The following KIF16B variants were observed in gnomAD, a reference collection of about 807,000 sequenced individuals.
The protein encoded by KIF16B is kinesin family member 16B.
KIF16B carries 98 observed loss-of-function variants against 156.3 expected under a neutral mutation model. The ratio of observed to expected loss-of-function variants is 0.63; its 90% CI spans 0.53 to 0.74. The LOEUF (loss-of-function observed/expected upper bound fraction) is 0.74. KIF16B is among the 30% of genes least tolerant of loss of function. KIF16B has a pLI of 0.00. For synonymous variants in KIF16B, 564 were observed against 583.7 expected, an observed-to-expected ratio of 0.97 and a Z score of 0.49; for missense variants, 1,421 against 1,606.5, an observed-to-expected ratio of 0.88 and a Z score of 1.97.
intron 12 of KIF16B, among the ~76,000 whole-genome samples, chr20:16,439,271 A>G (rs187542823): frequency 3.3e-5 from 5 of 152,104 alleles, no homozygotes; most frequent in East Asian, 3.9e-4. Context: ...ATATCCCCCA[A>G]TCGGTCTTTT....
chr20:16,415,246 C>G (rs949410115), intron 15 of KIF16B, among the ~76,000 whole-genome samples: 9 of 152,138 alleles, frequency 5.9e-5, no homozygotes, highest in African/African-American at 1.2e-4. Flanking sequence ...CTATTAGTAA[C>G]TTTCTTTCCA....
chr20:16,375,442 A>C (rs1196024889), intron 19 of KIF16B, among the ~76,000 whole-genome samples: 2 of 152,152 alleles, frequency 1.3e-5, no homozygotes, highest in Non-Finnish European at 2.9e-5. Context: ...CCAAGTTCTG[A>C]ATTTTCAGAA....
chr20:16,369,112 G>A, intron 22 of KIF16B: 1 of 985,856 alleles, frequency 1.0e-6, no homozygotes, highest in Non-Finnish European at 1.2e-6. Flanking sequence ...TGCTGAGGAA[G>A]TTGTTTTAGG....
At chr20:16,372,622 A>G (rs2064849300) in intron 20 of KIF16B, among the ~76,000 whole-genome samples, 1 of 152,206 alleles carries the variant, frequency 6.6e-6, no homozygotes, top group Admixed American at 6.5e-5. Flanking sequence ...AAATCTTTGT[A>G]ATGGCAGAGA....
chr20:16,560,128 T>C (rs999063165), intron 1 of KIF16B, among the ~76,000 whole-genome samples: 2 of 152,164 alleles, frequency 1.3e-5, no homozygotes, highest in Admixed American at 1.3e-4. Context: ...TCATCACATG[T>C]GAGCACCAGC....
chr20:16,519,346 T>C (rs2069252164), intron 3 of KIF16B, among the ~76,000 whole-genome samples: 1 of 152,140 alleles, frequency 6.6e-6, no homozygotes, highest in African/African-American at 2.4e-5. Context: ...TGTCCTGGCC[T>C]CAAGTAATCC....
intron 12 of KIF16B, among the ~76,000 whole-genome samples, chr20:16,469,028 G>A (rs1482946259): frequency 1.3e-5 from 2 of 152,148 alleles, no homozygotes; most frequent in Non-Finnish European, 2.9e-5. Flanking sequence ...TGAGGTGTGA[G>A]AATCGCCTGA....
intron 1 of KIF16B, among the ~76,000 whole-genome samples, chr20:16,530,084 A>G (rs1247306980): frequency 6.6e-6 from 1 of 152,210 alleles, no homozygotes; most frequent in East Asian, 1.9e-4. Flanking sequence ...CACTCAAATT[A>G]TAGCCTATAA....
intron 15 of KIF16B, among the ~76,000 whole-genome samples, chr20:16,415,789 C>T (rs1318900391): frequency 1.3e-5 from 2 of 152,110 alleles, no homozygotes; most frequent in Non-Finnish European, 2.9e-5. Flanking sequence ...TACATTCCCC[C>T]TTTTCAGCAG....
rs185560182 is a variant in KIF16B, at chr20:16,521,167, G to A, written c.231+4925C>T. Among the ~76,000 whole-genome samples the A allele has an allele frequency of 3.8e-3, 583 of 152,174 alleles. 4 individuals carry two copies. Among genetic ancestry groups the A allele is most frequent in the Middle Eastern group, 0.01 (3 of 294 alleles). On this transcript the variant is annotated intron_variant, in intron 3 of 25. Coordinates refer to ENST00000354981, the MANE Select transcript of KIF16B (RefSeq NM_024704.5). ...GGGAACAAAACTGGACAGAGAATGA[G>A]TTTGATGAATTGGCAGAAGTAGGCT... is the stretch of plus-strand genomic sequence containing the variant.
chr20:16,479,992 G>A (rs7273285), intron 12 of KIF16B, among the ~76,000 whole-genome samples: 12,695 of 152,186 alleles, frequency 0.083, 797 homozygotes, highest in East Asian at 0.25. Flanking sequence ...TTGGAGGGAG[G>A]AGGAGTACTG....
chr20:16,527,022 CAAAG>C (rs952760948), intron 2 of KIF16B, among the ~76,000 whole-genome samples: 2 of 152,120 alleles, frequency 1.3e-5, no homozygotes, highest in African/African-American at 2.4e-5. Flanking sequence ...CCATAACGCA[CAAAG>C]AAAGGAGACT....
rs1033423933 is a variant in KIF16B, at chr20:16,273,127, G to A, written c.*126C>T. 5.8e-5 allele frequency: 46 copies of A among 792,024 alleles called. No individual in the cohort carries two copies. Among genetic ancestry groups the A allele is most frequent in the African/African-American group, 2.1e-4 (12 of 58,222 alleles). 49.1% of individuals were successfully genotyped at this position (792,024 alleles called of 1,614,324 possible). On this transcript the variant is annotated 3_prime_UTR_variant, in exon 26 of 26. Transcript: ENST00000354981. ...TGGAAACGTGAGGTGGCCCGGGCCC[G>A]CTGCTGCATGTCTGTCTTCAGCAGG...
rs911061766 is a variant in KIF16B, at chr20:16,472,765, G to A, written c.1302+21526C>T. Among the ~76,000 whole-genome samples the A allele has an allele frequency of 2.0e-5, 3 of 152,054 alleles. No homozygotes were observed. The South Asian group carries it at 6.2e-4, about 32-fold the overall frequency. On this transcript the variant is annotated intron_variant, in intron 12 of 25. Transcript: ENST00000354981. Reference sequence around the variant, plus strand: ...TCGGCTGACTGACCGCCTGCCTACTGACTTTGCATTCTGCCCTTGTCAACC... The same window carrying A: ...TCGGCTGACTGACCGCCTGCCTACTAACTTTGCATTCTGCCCTTGTCAACC...
intron 1 of KIF16B, among the ~76,000 whole-genome samples, chr20:16,567,137 G>A (rs2071282310): frequency 6.6e-6 from 1 of 152,164 alleles, no homozygotes; most frequent in African/African-American, 2.4e-5. Flanking sequence ...TTCAAATCCA[G>A]CATCATAGTA....
intron 5 of KIF16B, 96 bp downstream of exon 5, chr20:16,512,730 T>TTC: frequency 1.4e-6 from 1 of 737,778 alleles, no homozygotes; most frequent in Non-Finnish European, 2.3e-6. Flanking sequence ...TCTTTAGGAA[T>TTC]CTAAAGACCT....
chr20:16,410,096 T>TATATATATATATGTAGGTAC (rs2065902793), intron 15 of KIF16B, among the ~76,000 whole-genome samples: 1 of 91,486 alleles, frequency 1.1e-5, no homozygotes, highest in African/African-American at 6.6e-5. Context: ...TGTAGGTACA[T>TATATATATATATGTAGGTAC]ATATATATAT....
At chr20:16,446,252 A>C (rs1332021027) in intron 12 of KIF16B, among the ~76,000 whole-genome samples, 1 of 152,238 alleles carries the variant, frequency 6.6e-6, no homozygotes, top group Non-Finnish European at 1.5e-5. Flanking sequence ...ATAAACTATA[A>C]AGGCAGTTCC....
chr20:16,289,112 C>G (rs2063275441), intron 25 of KIF16B, among the ~76,000 whole-genome samples: 1 of 152,160 alleles, frequency 6.6e-6, no homozygotes, highest in Non-Finnish European at 1.5e-5. Context: ...CATTAGCCTA[C>G]AGGTGGGCAA....
Sources: allele counts gnomAD v4.1 joint callset (sites outside exome capture counted in the v4.1 genomes callset), GRCh38; gene constraint gnomAD v4.1.1; transcripts MANE v1.5; gene names NCBI Gene and HGNC (gene_info 2026-07-23, HGNC 2026-07-21).